The following CEP250 variants were observed in gnomAD, a reference collection of about 807,000 sequenced individuals.
The protein encoded by CEP250 is centrosomal protein 250, also known as centrosome-associated protein CEP250.
CEP250 carries 242 observed loss-of-function variants against 315.7 expected under a neutral mutation model. That is an observed-to-expected ratio of 0.77 (90% confidence interval 0.69 to 0.85). The LOEUF (loss-of-function observed/expected upper bound fraction) is 0.85, where lower values mean the gene tolerates loss of function less well. Among genes scored for constraint, CEP250 ranks in the 40% least tolerant of loss-of-function variants. CEP250 has a pLI of 0.00. For missense variants in CEP250, 2,515 were observed against 2,886.4 expected, an observed-to-expected ratio of 0.87 and a Z score of 2.95; for synonymous variants, 1,088 against 1,175.0, an observed-to-expected ratio of 0.93 and a Z score of 1.51.
intron 9 of CEP250, among the ~76,000 whole-genome samples, chr20:35,468,248 C>T (rs926761013): frequency 3.3e-5 from 5 of 152,130 alleles, no homozygotes; most frequent in East Asian, 3.9e-4. Flanking sequence ...TGCAACTCGC[C>T]GAAATGTCAC....
intron 6 of CEP250, 98 bp downstream of exon 6, chr20:35,465,923 A>T: frequency 6.6e-7 from 1 of 1,519,222 alleles, no homozygotes; most frequent in Non-Finnish European, 9.0e-7. Context: ...GACTTCAGCC[A>T]TAGCCCTCTA....
At chr20:35,480,639 C>T (rs1178996669) in intron 20 of CEP250, among the ~76,000 whole-genome samples, 2 of 141,442 alleles carry the variant, frequency 1.4e-5, no homozygotes, top group Non-Finnish European at 3.0e-5. Context: ...GTCCCTCAGG[C>T]TGGAGTACAG....
chr20:35,455,845 G>T (rs2062607582), intron 1 of CEP250, 94 bp downstream of exon 1: 1 of 152,262 alleles, frequency 6.6e-6, no homozygotes, highest in Non-Finnish European at 1.5e-5. Context: ...TTACTGTACG[G>T]AATGATCACA....
Position 35,479,751 on chromosome 20 carries a change from T to G in CEP250, c.2394T>G (p.Thr798=). 1.9e-6 allele frequency: 3 copies of G among 1,614,098 alleles called. No individual in the cohort carries two copies. Among genetic ancestry groups the G allele is most frequent in the Non-Finnish European group, 2.5e-6 (3 of 1,180,002 alleles). ...GQLEVQIQTV[T]QAKEVIQGEV... ...TGGAGGTCCAGATTCAAACTGTCAC[T>G]CAAGCCAAGGAAGTAATCCAAGGTG... The change falls in exon 19 of 35, where the codon ACT becomes ACG. Residue 798 remains threonine (T), a synonymous_variant. Coordinates refer to ENST00000397527, the MANE Select transcript of CEP250 (RefSeq NM_007186.6).
chr20:35,494,557 G>T lies in CEP250; in HGVS notation c.3067G>T (p.Asp1023Tyr), dbSNP rs1340170418. 1 of 1,614,098 alleles carries T rather than the reference G, an allele frequency of 6.2e-7. No homozygotes were observed. Among genetic ancestry groups the T allele is most frequent in the Non-Finnish European group, 8.5e-7 (1 of 1,180,030 alleles). ...CTTGAAGTCTCAGCTGGTGGCCCAG[G>T]ATGACTCCCAGAGGCTGGTGGAGCA... is the stretch of plus-strand genomic sequence containing the variant. ...EDLKSQLVAQDDSQRLVEQEV... is the reference protein window; with the variant it reads ...EDLKSQLVAQYDSQRLVEQEV... Residue 1023 changes from aspartate to tyrosine, a missense_variant, in exon 24 of 35, where the codon GAT (aspartate) becomes TAT (tyrosine). Coordinates refer to ENST00000397527, the MANE Select transcript of CEP250 (RefSeq NM_007186.6).
At position 35,515,290 on chromosome 20, in the gene CEP250, A is replaced by G. The variant is rs912666102; in HGVS notation, c.*3664A>G. 3 of 152,434 alleles carry G rather than the reference A, an allele frequency of 2.0e-5. No homozygotes were observed. Among genetic ancestry groups the G allele is most frequent in the African/African-American group, 7.2e-5 (3 of 41,466 alleles). 9.4% of individuals were successfully genotyped at this position (152,434 alleles called of 1,614,324 possible). The stretch of plus-strand genomic sequence containing the variant: ...AGGCCCAGCGGAGGAAGGGATCAAG[A>G]AGAGGATGCAGCCCAGAGCCCAGGA... On this transcript the variant is annotated 3_prime_UTR_variant, in exon 35 of 35. Coordinates refer to ENST00000397527, the MANE Select transcript of CEP250 (RefSeq NM_007186.6).
chr20:35,506,127 CAAAG>C (rs2064179598), intron 30 of CEP250, among the ~76,000 whole-genome samples: 1 of 151,948 alleles, frequency 6.6e-6, no homozygotes, highest in Non-Finnish European at 1.5e-5. Flanking sequence ...AGAAAGAAGT[CAAAG>C]ATGACACTCA....
intron 25 of CEP250, 70 bp downstream of exon 25, chr20:35,496,785 G>A: frequency 6.5e-7 from 1 of 1,528,074 alleles, no homozygotes; most frequent in Non-Finnish European, 8.9e-7. Context: ...TGGATTGATT[G>A]CTCTGAGTCC....
intron 29 of CEP250, 129 bp from the exon 30 acceptor site, chr20:35,502,261 T>C (rs918499720): frequency 7.8e-5 from 62 of 791,944 alleles, no homozygotes; most frequent in Non-Finnish European, 1.2e-4. Context: ...AAGTGGAATA[T>C]ACCACCACTT....
At chr20:35,473,609 A>T in intron 13 of CEP250, 57 bp downstream of exon 13, 1 of 1,503,696 alleles carries the variant, frequency 6.7e-7, no homozygotes, top group South Asian at 1.3e-5. Flanking sequence ...CTCAGTCACC[A>T]TCCAGCCATT....
At position 35,472,105 on chromosome 20, in the gene CEP250, A is replaced by C; in HGVS notation, c.1004A>C (p.Gln335Pro). The C allele has an allele frequency of 6.2e-7, 1 of 1,613,662 alleles. No homozygotes were observed. Among genetic ancestry groups the C allele is most frequent in the Non-Finnish European group, 8.5e-7 (1 of 1,179,548 alleles). The change falls in exon 11 of 35, where the codon CAA becomes CCA. Residue 335 changes from glutamine (Q) to proline (P), a missense_variant. By Grantham distance (76) the Gln-to-Pro change is moderately conservative. Coordinates refer to ENST00000397527, the MANE Select transcript of CEP250 (RefSeq NM_007186.6). ...GAAGCATCTCTTAGTAGGAATGCGC[A>C]AGAGGAGAAGTTGTCTTTACAGCAG... The part of the protein sequence containing the change: ...EHEASLSRNA[Q>P]EEKLSLQQVI...
rs566443575 is a variant in CEP250, at chr20:35,508,828, A to G, written c.6907-115A>G. Reference sequence around the variant, plus strand: ...TTCCTCAGCCAGGAGTTCTCTTCCCATGGTTACTGTCCCCTCATATACCTG... The same window carrying G: ...TTCCTCAGCCAGGAGTTCTCTTCCCGTGGTTACTGTCCCCTCATATACCTG... On this transcript the variant is annotated intron_variant, in intron 32 of 34. Coordinates refer to ENST00000397527, the MANE Select transcript of CEP250 (RefSeq NM_007186.6). 5.6e-5 allele frequency: 44 copies of G among 787,342 alleles called. 1 individual carries two copies. Among genetic ancestry groups the G allele is most frequent in the Middle Eastern group, 3.6e-4 (1 of 2,782 alleles). 48.8% of individuals were successfully genotyped at this position (787,342 alleles called of 1,614,324 possible). A position where few individuals can be genotyped will look rare whatever the true frequency, so the allele number is the denominator to read the frequency against.
In CEP250 at chr20:35,519,133, A is replaced by G. The variant is rs2064457496; in HGVS notation, c.*7507A>G. ...GCTGTTCAGATGACAGAGGGAGAAA[A>G]TGTACTTTGTAAACTGTTAGTTCAA... On this transcript the variant is annotated 3_prime_UTR_variant, in exon 35 of 35. Transcript: ENST00000397527. The G allele has an allele frequency of 1.3e-5, 2 of 152,116 alleles. No homozygotes were observed. The highest frequency in any genetic ancestry group is 4.1e-4 in the South Asian group (2 of 4,830). The allele number at this position is 152,116 out of a possible 1,614,324, so 9.4% of individuals were successfully genotyped here.
rs2064458181 is a variant in CEP250, at chr20:35,519,280, A to G, written c.*7654A>G. 6.6e-6 allele frequency: 1 copy of G among 152,098 alleles called. No homozygotes were observed. Among genetic ancestry groups the G allele is most frequent in the South Asian group, 2.1e-4 (1 of 4,832 alleles). The allele number at this position is 152,098 out of a possible 1,614,324, so 9.4% of individuals were successfully genotyped here. On this transcript the variant is annotated 3_prime_UTR_variant, in exon 35 of 35. Coordinates refer to ENST00000397527, the MANE Select transcript of CEP250 (RefSeq NM_007186.6). ...GTCACAATAAAAAGTTTGAAAATCG[A>G]GTTCATAATATTTCCAGTTTGGGCC...
intron 34 of CEP250, among the ~76,000 whole-genome samples, chr20:35,510,657 C>G (rs1334894582): frequency 1.3e-5 from 2 of 152,196 alleles, no homozygotes; most frequent in Non-Finnish European, 2.9e-5. Context: ...TAGACCTAAG[C>G]TATTACTTTG....
chr20:35,470,076 A>G (rs1601145413), intron 10 of CEP250, 90 bp downstream of exon 10: 2 of 807,776 alleles, frequency 2.5e-6, no homozygotes, highest in Non-Finnish European at 4.2e-6. Context: ...TACCAGTTAC[A>G]TATTCCATGA....
intron 20 of CEP250, among the ~76,000 whole-genome samples, chr20:35,488,172 T>C (rs4911507): frequency 0.18 from 27,766 of 152,222 alleles, 2,649 homozygotes; most frequent in South Asian, 0.29. Flanking sequence ...ATCACAGAAT[T>C]AGCTCTTCTT....
chr20:35,503,032 C>G lies in CEP250; in HGVS notation c.4663C>G (p.Leu1555Val). The change falls in exon 30 of 35, where the codon CTG becomes GTG. Residue 1555 changes from leucine to valine, a missense_variant. By Grantham distance (32) the Leu-to-Val change is conservative. Transcript: ENST00000397527. This position sits in a 1 kb window ranked among gnomAD's most constrained non-coding sequence, Gnocchi z 4.2. ...VQDLKKQLVT[L>V]ECLALELEEN... ...GGACCTGAAAAAGCAGTTGGTTACT[C>G]TGGAATGCCTGGCCCTGGAACTGGA... 6.2e-7 allele frequency: 1 copy of G among 1,614,186 alleles called. No homozygotes were observed. Among genetic ancestry groups the G allele is most frequent in the Non-Finnish European group, 8.5e-7 (1 of 1,180,032 alleles).
At chr20:35,462,040 C>T (rs1027226212) in intron 3 of CEP250, among the ~76,000 whole-genome samples, 4 of 152,208 alleles carry the variant, frequency 2.6e-5, no homozygotes, top group Admixed American at 6.5e-5. Flanking sequence ...ACTAAGGATG[C>T]AGTGATAAAC....
Sources: gnomAD v4.1 joint callset for allele counts (sites outside exome capture counted in the v4.1 genomes callset) on GRCh38, gnomAD v4.1.1 for gene constraint, Gnocchi (gnomAD v3.1) non-coding constraint, MANE v1.5 for transcripts, NCBI Gene and HGNC (gene_info 2026-07-23, HGNC 2026-07-21) for gene names.